The following PRUNE2 variants were observed in gnomAD, a reference collection of about 807,000 sequenced individuals.
PRUNE2 encodes protein prune homolog 2.
PRUNE2 carries 164 observed loss-of-function variants against 252.0 expected under a neutral mutation model. That is an observed-to-expected ratio of 0.65 (90% confidence interval 0.57 to 0.74). PRUNE2 has a LOEUF of 0.74. PRUNE2 is among the 30% of genes least tolerant of loss of function. PRUNE2 has a pLI of 0.00. For missense variants in PRUNE2, 3,495 were observed against 3,711.0 expected (o/e 0.94, Z 1.51); for synonymous variants, 1,292 against 1,350.2 (o/e 0.96, Z 0.94).
chr9:76,656,589 T>C (rs1849330495), intron 9 of PRUNE2, among the ~76,000 whole-genome samples: 1 of 152,164 alleles, frequency 6.6e-6, no homozygotes, highest in Admixed American at 6.5e-5. Flanking sequence ...ATCTGCACCC[T>C]TAGCGATTAC....
intron 1 of PRUNE2, among the ~76,000 whole-genome samples, chr9:76,884,934 T>G (rs1387175412): frequency 6.6e-6 from 1 of 152,254 alleles, no homozygotes; most frequent in Non-Finnish European, 1.5e-5. Context: ...TTTCTGCTTC[T>G]GGAACATGGC....
At chr9:76,768,333 C>T (rs1438727117) in intron 6 of PRUNE2, among the ~76,000 whole-genome samples, 3 of 152,172 alleles carry the variant, frequency 2.0e-5, no homozygotes, top group Non-Finnish European at 4.4e-5. Context: ...GCTGGGATTA[C>T]AGGCCTGCGC....
chr9:76,627,624 G>T (rs988340057), intron 16 of PRUNE2, among the ~76,000 whole-genome samples: 2 of 152,056 alleles, frequency 1.3e-5, no homozygotes, highest in Non-Finnish European at 2.9e-5. Flanking sequence ...CTGTGTTCAC[G>T]CCCGATATTG....
In PRUNE2 at chr9:76,885,887, C is replaced by T. The variant is rs556867027; in HGVS notation, c.36+20041G>A. ...TACTTTAAGTTTTAGGGTAAAGAATCTATGCAATGCGGCCGGGTGCGGCGG... is the reference window on the plus strand; with the variant it reads ...TACTTTAAGTTTTAGGGTAAAGAATTTATGCAATGCGGCCGGGTGCGGCGG... On this transcript the variant is annotated intron_variant, in intron 1 of 18. Transcript: ENST00000376718. 3.3e-5 allele frequency among the ~76,000 whole-genome samples: 5 copies of T among 152,026 alleles called. No individual in the cohort carries two copies. The East Asian group carries it at 9.7e-4, about 29-fold the overall frequency.
intron 7 of PRUNE2, among the ~76,000 whole-genome samples, chr9:76,713,042 A>G (rs2046860336): frequency 6.6e-6 from 1 of 151,858 alleles, no homozygotes; most frequent in South Asian, 2.1e-4. Context: ...GGCTTGGTAT[A>G]TCCGATGGCC....
In PRUNE2 at chr9:76,707,135, T is replaced by C. The variant is rs1175133438; in HGVS notation, c.5139A>G (p.Glu1713=). The change falls in exon 8 of 19, where the codon GAA becomes GAG. Residue 1713 remains glutamate (E), a synonymous_variant. Transcript: ENST00000376718. ...CATTCAATGAATCCCAAGCTCTGGA[T>C]TCATCCTCAGCAACGTGGCAGTTGG... ...QVANCHVAED[E]SRAWDSLNES... The C allele has an allele frequency of 1.2e-6, 2 of 1,613,850 alleles. No homozygotes were observed.
At position 76,614,325 on chromosome 9, in the gene PRUNE2, C is replaced by G; in HGVS notation, c.*245G>C. ...TTAATGAAGTATTGAAATGGAAGGT[C>G]CTACTTTCTTGCTAAGGCTCAACTA... is the stretch of plus-strand genomic sequence containing the variant. On this transcript the variant is annotated 3_prime_UTR_variant, in exon 19 of 19. Coordinates refer to ENST00000376718, the MANE Select transcript of PRUNE2 (RefSeq NM_015225.3). 1.8e-6 allele frequency: 1 copy of G among 559,770 alleles called. No individual in the cohort carries two copies. The highest frequency in any genetic ancestry group is 3.1e-6 in the Non-Finnish European group (1 of 318,500). 34.7% of individuals were successfully genotyped at this position (559,770 alleles called of 1,614,324 possible).
intron 15 of PRUNE2, among the ~76,000 whole-genome samples, chr9:76,632,905 TA>T (rs1564385097): frequency 6.6e-6 from 1 of 152,124 alleles, no homozygotes; most frequent in Non-Finnish European, 1.5e-5. Flanking sequence ...TAAGGTGGTT[TA>T]AAAAATGTAA....
At chr9:76,867,649 A>G (rs1405761472) in intron 1 of PRUNE2, among the ~76,000 whole-genome samples, 1 of 151,948 alleles carries the variant, frequency 6.6e-6, no homozygotes, top group African/African-American at 2.4e-5. Context: ...GCTCACTGCA[A>G]CCTCCACCTC....
chr9:76,675,067 A>T (rs1167456157), intron 9 of PRUNE2, among the ~76,000 whole-genome samples: 2 of 82,872 alleles, frequency 2.4e-5, no homozygotes, highest in African/African-American at 6.9e-5. Flanking sequence ...GACAAATGGG[A>T]TCTAATTAAA....
At chr9:76,755,604 G>A (rs1161726451) in intron 6 of PRUNE2, among the ~76,000 whole-genome samples, 1 of 152,164 alleles carries the variant, frequency 6.6e-6, no homozygotes, top group East Asian at 1.9e-4. Context: ...GCAAGAAGGG[G>A]TCTTATTAAA....
chr9:76,617,247 C>A (rs577626320), intron 18 of PRUNE2, among the ~76,000 whole-genome samples: 1 of 152,152 alleles, frequency 6.6e-6, no homozygotes, highest in Non-Finnish European at 1.5e-5. Context: ...ATGGGCATAA[C>A]CTTCCCTTCT....
At chr9:76,801,799 C>T (rs562012309) in intron 6 of PRUNE2, among the ~76,000 whole-genome samples, 1 of 152,212 alleles carries the variant, frequency 6.6e-6, no homozygotes, top group East Asian at 1.9e-4. Flanking sequence ...TTAGTCAAAG[C>T]CATCAGTGCT....
intron 6 of PRUNE2, among the ~76,000 whole-genome samples, chr9:76,757,155 T>C (rs1339203469): frequency 6.6e-6 from 1 of 152,206 alleles, no homozygotes; most frequent in Non-Finnish European, 1.5e-5. Flanking sequence ...TTATATCCAA[T>C]CCCAGGAGAT....
intron 1 of PRUNE2, among the ~76,000 whole-genome samples, chr9:76,895,519 T>C (rs11145122): frequency 0.18 from 27,276 of 152,156 alleles, 2,889 homozygotes; most frequent in African/African-American, 0.29. Context: ...CCACAACTTC[T>C]TTTCTATTTT....
At chr9:76,751,994 T>C (rs1366557677) in intron 6 of PRUNE2, among the ~76,000 whole-genome samples, 1 of 151,858 alleles carries the variant, frequency 6.6e-6, no homozygotes, top group East Asian at 1.9e-4. Context: ...CATAGACTCA[T>C]ATAACTCTAA....
intron 18 of PRUNE2, among the ~76,000 whole-genome samples, chr9:76,615,956 G>A (rs377536020): frequency 2.6e-5 from 4 of 151,976 alleles, no homozygotes; most frequent in South Asian, 4.2e-4. Flanking sequence ...TTTTTAGCGA[G>A]ACGGGGTTTC....
intron 7 of PRUNE2, among the ~76,000 whole-genome samples, chr9:76,711,566 A>G (rs1335256888): frequency 1.3e-5 from 2 of 152,216 alleles, no homozygotes; most frequent in Admixed American, 6.5e-5. Context: ...TGTTTAATTC[A>G]AAATCCAGGT....
intron 9 of PRUNE2, among the ~76,000 whole-genome samples, chr9:76,677,962 T>C (rs1217866408): frequency 1.3e-5 from 2 of 152,176 alleles, no homozygotes; most frequent in African/African-American, 4.8e-5. Context: ...GGGGAACAAC[T>C]GGTCATATCT....
Sources: gnomAD v4.1 joint callset for allele counts (sites outside exome capture counted in the v4.1 genomes callset) on GRCh38, gnomAD v4.1.1 for gene constraint, MANE v1.5 for transcripts, NCBI Gene and HGNC (gene_info 2026-07-23, HGNC 2026-07-21) for gene names.